GALNT17: variants seen among roughly 807,000 people sequenced by gnomAD.
GALNT17 encodes the protein UDP-GalNAc:polypeptide N-acetylgalactosaminyltransferase-like 3.
Under a neutral mutation model 63.7 loss-of-function variants are expected in GALNT17, and 29 were observed. That is an observed-to-expected ratio of 0.46 (90% CI 0.34 to 0.62). The LOEUF is 0.62. Among genes scored for constraint, GALNT17 ranks in the 20% least tolerant of loss-of-function variants. The probability of loss-of-function intolerance (pLI) is 0.01; values close to 1 mark genes in which losing one functional copy is unlikely to be tolerated. For missense variants in GALNT17, 603 were observed against 799.6 expected, an observed-to-expected ratio of 0.75 and a Z score of 2.97; for synonymous variants, 305 against 318.3, an observed-to-expected ratio of 0.96 and a Z score of 0.45.
At chr7:71,366,986 A>G (rs1465411821) in intron 2 of GALNT17, among the ~76,000 whole-genome samples, 1 of 152,202 alleles carries the variant, frequency 6.6e-6, no homozygotes, top group Non-Finnish European at 1.5e-5. Context: ...ATTTGTTCAT[A>G]TCACTCACTC....
chr7:71,624,244 C>T (rs1347063596), intron 6 of GALNT17, among the ~76,000 whole-genome samples: 5 of 152,150 alleles, frequency 3.3e-5, no homozygotes, highest in Admixed American at 1.3e-4. Context: ...AGCTGTGCAG[C>T]GGCCATTATC....
chr7:71,168,254 G>T (rs1440518300), intron 1 of GALNT17, among the ~76,000 whole-genome samples: 1 of 152,048 alleles, frequency 6.6e-6, no homozygotes, highest in Non-Finnish European at 1.5e-5. Context: ...AGGTAATGCT[G>T]GTCCTCCAAC....
intron 5 of GALNT17, among the ~76,000 whole-genome samples, chr7:71,525,512 T>A (rs952991131): frequency 2.0e-5 from 3 of 151,376 alleles, no homozygotes; most frequent in African/African-American, 7.3e-5. Context: ...GGCCAACTGT[T>A]CTTGTGGTAA....
chr7:71,633,455 C>T (rs1790486004), intron 6 of GALNT17, among the ~76,000 whole-genome samples: 1 of 152,110 alleles, frequency 6.6e-6, no homozygotes, highest in Non-Finnish European at 1.5e-5. Context: ...GGAGGATTCT[C>T]CCGAAGTCCT....
At chr7:71,149,017 G>A (rs566483301) in intron 1 of GALNT17, among the ~76,000 whole-genome samples, 72 of 151,650 alleles carry the variant, frequency 4.7e-4, no homozygotes, top group Admixed American at 2.0e-3. Context: ...CTGCAGCCTC[G>A]AACTCCTGGG....
intron 5 of GALNT17, among the ~76,000 whole-genome samples, chr7:71,447,578 A>C (rs1185567887): frequency 6.6e-6 from 1 of 152,210 alleles, no homozygotes; most frequent in Non-Finnish European, 1.5e-5. Flanking sequence ...CCAGTTCATA[A>C]TAAAAGATGC....
intron 6 of GALNT17, among the ~76,000 whole-genome samples, chr7:71,613,355 C>T (rs1275186876): frequency 1.3e-5 from 2 of 152,102 alleles, no homozygotes; most frequent in Non-Finnish European, 2.9e-5. Context: ...TTAATCAGCC[C>T]ATTTATTAGA....
At chr7:71,348,286 C>G (rs532684461) in intron 2 of GALNT17, among the ~76,000 whole-genome samples, 1 of 152,094 alleles carries the variant, frequency 6.6e-6, no homozygotes, top group East Asian at 1.9e-4. Context: ...AATGGATGCT[C>G]TTGAGACTTA....
At chr7:71,321,925 C>T (rs1449180735) in intron 1 of GALNT17, among the ~76,000 whole-genome samples, 5 of 40,940 alleles carry the variant, frequency 1.2e-4, no homozygotes, top group South Asian at 1.2e-3. Flanking sequence ...CTTCCTTCCC[C>T]TCCCTCCCTC....
chr7:71,708,217 T>G (rs1791747303), intron 9 of GALNT17, among the ~76,000 whole-genome samples: 1 of 152,164 alleles, frequency 6.6e-6, no homozygotes, highest in South Asian at 2.1e-4. Flanking sequence ...TACCCAAGAC[T>G]GGGTAATTTA....
intron 2 of GALNT17, among the ~76,000 whole-genome samples, chr7:71,348,342 C>T (rs778456363): frequency 1.2e-4 from 19 of 152,088 alleles, no homozygotes; most frequent in Non-Finnish European, 2.6e-4. Flanking sequence ...CACTGCCAGC[C>T]CCAAAGGTTA....
chr7:71,535,048 G>A (rs940445562), intron 5 of GALNT17, among the ~76,000 whole-genome samples: 4 of 152,266 alleles, frequency 2.6e-5, no homozygotes, highest in African/African-American at 2.4e-5. Context: ...AGTAGTAGGA[G>A]CCAACATGCC....
chr7:71,158,916 A>C (rs1788288856), intron 1 of GALNT17, among the ~76,000 whole-genome samples: 1 of 151,870 alleles, frequency 6.6e-6, no homozygotes, highest in Non-Finnish European at 1.5e-5. Flanking sequence ...TTTCTTTGGT[A>C]AACTGGATTC....
At chr7:71,493,939 A>G (rs1275454520) in intron 5 of GALNT17, among the ~76,000 whole-genome samples, 1 of 152,182 alleles carries the variant, frequency 6.6e-6, no homozygotes, top group Non-Finnish European at 1.5e-5. Flanking sequence ...ACTTACTTGC[A>G]GAGAAGAAGG....
intron 7 of GALNT17, among the ~76,000 whole-genome samples, chr7:71,666,408 A>G (rs964779433): frequency 1.3e-5 from 2 of 150,530 alleles, no homozygotes; most frequent in African/African-American, 4.9e-5. Context: ...AATTTTTTTA[A>G]TTTTATTTTT....
rs112030422 is a variant in GALNT17 at position 71,186,467 on chromosome 7, A to G, written c.238+53427A>G. On this transcript the variant is annotated intron_variant, in intron 1 of 10. Transcript: ENST00000333538. ...CTGGGGCAGGCCCAACTGTCTTACT[A>G]TCTTTGCTCTTCTTTGGACACTTCA... is the stretch of plus-strand genomic sequence containing the variant. Among the ~76,000 whole-genome samples, 358 of 152,318 alleles carry G rather than the reference A, an allele frequency of 2.4e-3. 1 individual carries two copies. Among genetic ancestry groups the G allele is most frequent in the African/African-American group, 7.9e-3 (328 of 41,570 alleles).
chr7:71,542,994 A>T (rs566884118), intron 5 of GALNT17, among the ~76,000 whole-genome samples: 1 of 151,686 alleles, frequency 6.6e-6, no homozygotes, highest in Admixed American at 6.6e-5. Context: ...GCTTCTCAGG[A>T]ATAGGGAGCT....
chr7:71,258,794 A>G (rs920252382), intron 1 of GALNT17, among the ~76,000 whole-genome samples: 7 of 152,220 alleles, frequency 4.6e-5, no homozygotes, highest in Non-Finnish European at 2.9e-5. Context: ...AAACATTACC[A>G]TCTGCCCTGA....
At chr7:71,649,978 A>G (rs1354557374) in intron 6 of GALNT17, among the ~76,000 whole-genome samples, 2 of 152,206 alleles carry the variant, frequency 1.3e-5, no homozygotes, top group African/African-American at 4.8e-5. Flanking sequence ...CATAAAGAAC[A>G]GGAAGTCCAT....
Sources: gnomAD v4.1 joint callset for allele counts (sites outside exome capture counted in the v4.1 genomes callset) on GRCh38, gnomAD v4.1.1 for gene constraint, MANE v1.5 for transcripts, NCBI Gene and HGNC (gene_info 2026-07-23, HGNC 2026-07-21) for gene names.